TNS1: variants seen among roughly 807,000 people sequenced by gnomAD.
TNS1 encodes the protein tensin-1.
In TNS1, 62 loss-of-function variants were observed where a neutral mutation model predicts 168.6. The ratio of observed to expected loss-of-function variants is 0.37; its 90% confidence interval spans 0.30 to 0.45. The LOEUF (loss-of-function observed/expected upper bound fraction) is 0.45. TNS1 is among the 20% of genes least tolerant of loss of function. TNS1 has a pLI of 1.00. For synonymous variants in TNS1, 934 were observed against 933.2 expected, an observed-to-expected ratio of 1.00 and a Z score of -0.02; for missense variants, 2,240 against 2,339.4, an observed-to-expected ratio of 0.96 and a Z score of 0.88.
At chr2:217,947,065 C>A (rs1017238978) in intron 3 of TNS1, among the ~76,000 whole-genome samples, 1 of 151,800 alleles carries the variant, frequency 6.6e-6, no homozygotes, top group Non-Finnish European at 1.5e-5. Flanking sequence ...CCTTCCAAGC[C>A]CCTGAGGACC....
chr2:217,988,080 T>A (rs1441543732), intron 2 of TNS1, among the ~76,000 whole-genome samples: 5 of 152,160 alleles, frequency 3.3e-5, no homozygotes, highest in African/African-American at 1.2e-4. Context: ...CTTCTCCCTA[T>A]CTGGGCCTGG....
intron 3 of TNS1, among the ~76,000 whole-genome samples, chr2:217,927,053 G>A (rs1956065656): frequency 6.6e-6 from 1 of 152,240 alleles, no homozygotes; most frequent in African/African-American, 2.4e-5. Flanking sequence ...TATCCACTGT[G>A]TGTCTCACCC....
intron 3 of TNS1, among the ~76,000 whole-genome samples, chr2:217,960,502 C>T (rs1000711614): frequency 1.3e-5 from 2 of 152,074 alleles, no homozygotes; most frequent in Non-Finnish European, 2.9e-5. Context: ...CATGTGAGAA[C>T]AGATGTGGTC....
intron 18 of TNS1, among the ~76,000 whole-genome samples, chr2:217,858,928 C>T (rs947028013): frequency 1.3e-5 from 2 of 151,746 alleles, no homozygotes; most frequent in African/African-American, 4.9e-5. Flanking sequence ...GAAAAGTGGC[C>T]AGCCCAGTCC....
intron 12 of TNS1, chr2:217,890,671 C>A: frequency 2.1e-6 from 1 of 479,476 alleles, no homozygotes; most frequent in East Asian, 3.7e-5. Flanking sequence ...CCTTCCTAGA[C>A]CAGCGCCTTC....
chr2:217,994,748 C>A, intron 1 of TNS1, among the ~76,000 whole-genome samples: 1 of 152,348 alleles, frequency 6.6e-6, no homozygotes, highest in Non-Finnish European at 1.5e-5. Flanking sequence ...ATATTTCCCC[C>A]CTGGGGCCTG....
chr2:217,806,284 G>A (rs899374888), intron 32 of TNS1, among the ~76,000 whole-genome samples: 5 of 152,266 alleles, frequency 3.3e-5, no homozygotes, highest in Non-Finnish European at 5.9e-5. Flanking sequence ...GCCCGCAAGG[G>A]CAGGAGGAAG....
intron 19 of TNS1, chr2:217,841,400 AAC>A (rs1354194763): frequency 3.0e-6 from 1 of 333,328 alleles, no homozygotes; most frequent in African/African-American, 2.3e-5. Flanking sequence ...GGACATGGGA[AAC>A]ACAGAGAGTG....
At chr2:217,822,181 G>A (rs1559170832) in intron 22 of TNS1, among the ~76,000 whole-genome samples, 1 of 152,156 alleles carries the variant, frequency 6.6e-6, no homozygotes, top group Non-Finnish European at 1.5e-5. Flanking sequence ...CTCAGAACAT[G>A]GCCATCAGAG....
intron 1 of TNS1, among the ~76,000 whole-genome samples, chr2:217,996,872 C>A (rs560997121): frequency 2.0e-5 from 3 of 152,116 alleles, no homozygotes; most frequent in African/African-American, 7.2e-5. Context: ...CCAGAATAAA[C>A]CCTGCCCTCC....
chr2:217,991,791 C>G (rs900059420), intron 1 of TNS1, among the ~76,000 whole-genome samples: 1 of 152,212 alleles, frequency 6.6e-6, no homozygotes, highest in Non-Finnish European at 1.5e-5. Context: ...TCTCCACCAT[C>G]CCCTGCCCCA....
At chr2:217,893,390 G>A in intron 10 of TNS1, 49 bp downstream of exon 10, 1 of 1,504,568 alleles carries the variant, frequency 6.6e-7, no homozygotes, top group Non-Finnish European at 8.8e-7. Context: ...ATGTGCGCAT[G>A]TGCGCGCGCG....
At chr2:218,014,881 A>G (rs1398814998), upstream of TNS1, among the ~76,000 whole-genome samples, 1 of 99,664 alleles carries the variant, frequency 1.0e-5, no homozygotes, top group Non-Finnish European at 2.4e-5. Flanking sequence ...GGAAGGAAGG[A>G]AGGAAGGAAG....
At chr2:217,937,016 T>C (rs1273714773) in intron 3 of TNS1, 1 of 456,892 alleles carries the variant, frequency 2.2e-6, no homozygotes, top group Non-Finnish European at 4.4e-6. Flanking sequence ...CCCCTGTGCC[T>C]GAAGAAGTCT....
At chr2:217,996,448 G>T (rs1958472486) in intron 1 of TNS1, among the ~76,000 whole-genome samples, 1 of 152,030 alleles carries the variant, frequency 6.6e-6, no homozygotes, top group African/African-American at 2.4e-5. Context: ...AGTCCCATGG[G>T]CACCTCAAAT....
intron 3 of TNS1, among the ~76,000 whole-genome samples, chr2:217,968,066 T>C (rs1348538307): frequency 2.0e-5 from 3 of 152,204 alleles, no homozygotes; most frequent in Admixed American, 2.0e-4. Flanking sequence ...TGATCATCAT[T>C]AAAAGAATTT....
intron 32 of TNS1, among the ~76,000 whole-genome samples, chr2:217,805,530 C>T (rs1176819674): frequency 5.3e-4 from 1 of 1,882 alleles, no homozygotes; most frequent in Non-Finnish European, 1.3e-3. Flanking sequence ...ACACACCACA[C>T]ACACCACACA....
chr2:218,020,527 G>A (rs573786027), intron 1 of TNS1, among the ~76,000 whole-genome samples: 1 of 152,106 alleles, frequency 6.6e-6, no homozygotes, highest in South Asian at 2.1e-4. Flanking sequence ...AAGCAGCCAG[G>A]TTCGCTGACA....
intron 3 of TNS1, among the ~76,000 whole-genome samples, chr2:217,951,575 T>TCATC (rs1957243031): frequency 6.6e-6 from 1 of 152,162 alleles, no homozygotes; most frequent in African/African-American, 2.4e-5. Flanking sequence ...CCTCAGGGCC[T>TCATC]GGCTGGACCA....
Sources: allele counts gnomAD v4.1 joint callset (sites outside exome capture counted in the v4.1 genomes callset), GRCh38; gene constraint gnomAD v4.1.1; transcripts MANE v1.5; gene names NCBI Gene and HGNC (gene_info 2026-07-23, HGNC 2026-07-21).